Variants in TRPC7 observed in about 807,000 individuals in gnomAD.
TRPC7 encodes transient receptor potential cation channel subfamily C member 7.
A neutral mutation model predicts 90.1 loss-of-function variants in TRPC7; 42 were observed. The ratio of observed to expected loss-of-function variants is 0.47; its 90% CI spans 0.36 to 0.60. TRPC7 has a LOEUF of 0.60. TRPC7 is among the 20% of genes least tolerant of loss of function. The pLI is 0.00. For synonymous variants in TRPC7, 451 were observed against 436.3 expected (o/e 1.03, Z -0.42); for missense variants, 955 against 1,112.3 (o/e 0.86, Z 2.01).
chr5:136,227,328 C>T (rs755937128), intron 8 of TRPC7, among the ~76,000 whole-genome samples: 1 of 152,136 alleles, frequency 6.6e-6, no homozygotes, highest in African/African-American at 2.4e-5. Flanking sequence ...AGCTGTGTAA[C>T]TTTAGGCAGG....
chr5:136,349,453 G>A (rs1760122712), intron 2 of TRPC7, among the ~76,000 whole-genome samples: 1 of 152,162 alleles, frequency 6.6e-6, no homozygotes, highest in African/African-American at 2.4e-5. Context: ...GAGAAACAGA[G>A]AGATCTTCAT....
In TRPC7 at chr5:136,363,065, T is replaced by C. The variant is rs561362573; in HGVS notation, c.2+2188A>G. 3.3e-5 allele frequency among the ~76,000 whole-genome samples: 5 copies of C among 152,284 alleles called. No homozygotes were observed. The South Asian group carries it at 1.0e-3, about 32-fold the overall frequency. ...ATTTCCTACTTATGACTGGCAACAT[T>C]TAAAATAAGGTATGAATTCCTAAGT... is the stretch of plus-strand genomic sequence containing the variant. On this transcript the variant is annotated intron_variant, in intron 1 of 11. Transcript: ENST00000513104.
chr5:136,338,472 T>C (rs1759737466), intron 2 of TRPC7, among the ~76,000 whole-genome samples: 1 of 152,246 alleles, frequency 6.6e-6, no homozygotes, highest in African/African-American at 2.4e-5. Context: ...CCACATCACC[T>C]GATCCACTTT....
intron 2 of TRPC7, among the ~76,000 whole-genome samples, chr5:136,350,088 T>TG (rs1760142034): frequency 6.6e-6 from 1 of 152,166 alleles, no homozygotes; most frequent in African/African-American, 2.4e-5. Flanking sequence ...CATCTAGGTT[T>TG]GGGCAGGTAC....
At chr5:136,263,987 A>G (rs923923351) in intron 5 of TRPC7, among the ~76,000 whole-genome samples, 2 of 152,208 alleles carry the variant, frequency 1.3e-5, no homozygotes, top group Non-Finnish European at 2.9e-5. Flanking sequence ...ATTATTTGTG[A>G]TAAAAAATTT....
At chr5:136,302,911 A>G (rs1758451335) in intron 3 of TRPC7, among the ~76,000 whole-genome samples, 1 of 151,872 alleles carries the variant, frequency 6.6e-6, no homozygotes, top group Non-Finnish European at 1.5e-5. Flanking sequence ...TCCCAACCCC[A>G]AGCGTCACTG....
At chr5:136,235,693 A>C (rs1755959672) in intron 7 of TRPC7, among the ~76,000 whole-genome samples, 1 of 152,146 alleles carries the variant, frequency 6.6e-6, no homozygotes, top group Non-Finnish European at 1.5e-5. Context: ...GCTAGTTACT[A>C]TTTGCCATAA....
In TRPC7 at chr5:136,216,223, C is replaced by T; in HGVS notation, c.2396G>A (p.Arg799Lys). The change falls in exon 11 of 12, where the codon AGA becomes AAA. Residue 799 changes from arginine to lysine, a missense_variant. Transcript: ENST00000513104. ...ACCTTCATTGACTTCGTCATTTTCT[C>T]TGTCCACCTGGGCTTTCAGGACGTA... ...KRYVLKAQVD[R>K]ENDEVNEGEL... The T allele has an allele frequency of 1.9e-6, 3 of 1,613,376 alleles. No homozygotes were observed. The highest frequency in any genetic ancestry group is 2.5e-6 in the Non-Finnish European group (3 of 1,179,652).
At chr5:136,314,772 A>G (rs959818027) in intron 3 of TRPC7, among the ~76,000 whole-genome samples, 1 of 152,214 alleles carries the variant, frequency 6.6e-6, no homozygotes, top group East Asian at 1.9e-4. Context: ...AGCTTAAAAC[A>G]TTAAAACCCC....
At chr5:136,241,071 G>T (rs1756148253) in intron 7 of TRPC7, among the ~76,000 whole-genome samples, 2 of 152,074 alleles carry the variant, frequency 1.3e-5, no homozygotes, top group South Asian at 4.1e-4. Context: ...GGGGAATCTG[G>T]CTTCTCTATG....
intron 3 of TRPC7, chr5:136,303,858 G>A (rs1358745182): frequency 6.6e-6 from 1 of 151,508 alleles, no homozygotes; most frequent in Non-Finnish European, 1.5e-5. Context: ...CACAGTGGAG[G>A]GTAAGTCCGT....
chr5:136,297,004 C>A (rs936994196), intron 3 of TRPC7, among the ~76,000 whole-genome samples: 3 of 152,156 alleles, frequency 2.0e-5, no homozygotes, highest in African/African-American at 7.2e-5. Flanking sequence ...TAAATCCAAT[C>A]CCAGGACACC....
chr5:136,301,616 T>C (rs1758391716), intron 3 of TRPC7, among the ~76,000 whole-genome samples: 1 of 152,120 alleles, frequency 6.6e-6, no homozygotes, highest in Non-Finnish European at 1.5e-5. Flanking sequence ...TTGTAATTCT[T>C]CCCACCCTTG....
In TRPC7 at chr5:136,225,270, T is replaced by C; in HGVS notation, c.2343+4A>G. The stretch of plus-strand genomic sequence containing the variant: ...GCTTGGATGCTTGGGAAAGGGGTGG[T>C]TACCTGGTATCTGGTGGGCTTGCTC... On this transcript the variant is annotated splice_donor_region_variant and intron_variant, in intron 10 of 11. Transcript: ENST00000513104. 3 of 1,612,586 alleles carry C rather than the reference T, an allele frequency of 1.9e-6. No individual in the cohort carries two copies. Among genetic ancestry groups the C allele is most frequent in the Non-Finnish European group, 2.5e-6 (3 of 1,179,398 alleles).
chr5:136,323,642 C>T (rs1319499686), intron 2 of TRPC7, among the ~76,000 whole-genome samples: 1 of 152,104 alleles, frequency 6.6e-6, no homozygotes, highest in African/African-American at 2.4e-5. Flanking sequence ...AATCATTGAC[C>T]ACATTTGTAT....
intron 6 of TRPC7, among the ~76,000 whole-genome samples, chr5:136,248,099 T>A (rs939913891): frequency 2.6e-5 from 4 of 152,212 alleles, no homozygotes; most frequent in Admixed American, 1.3e-4. Context: ...GTCTTGGCAC[T>A]CACCAGGCCA....
rs775706003 is a variant in TRPC7 at position 136,274,721 on chromosome 5, TATGGAGACTCCA to T, written c.1068_1079del (p.Phe356_Ile360delinsLeu). 1.2e-6 allele frequency: 2 copies of T among 1,613,294 alleles called. No homozygotes were observed. The highest frequency in any genetic ancestry group is 1.3e-5 in the African/African-American group (1 of 75,012). On this transcript the variant is annotated inframe_deletion, in exon 4 of 12. Transcript: ENST00000513104. ...AGGCTATGGCGAGAAAAGGGAGGCC[TATGGAGACTCCA>T]AAGACAGCCAGGAATTTCACAGCGA... is the stretch of plus-strand genomic sequence containing the variant.
chr5:136,365,531 C>G lies in TRPC7; in HGVS notation c.-277G>C, dbSNP rs115823179. On this transcript the variant is annotated 5_prime_UTR_variant, in exon 1 of 12. An upstream start codon of the reference 5' UTR is lost. Transcript: ENST00000513104. Reference sequence around the variant, plus strand: ...TTTCCCAGAGAACATGACGGAGAAGCATCTGTGTGAGAGTGGCATGCGGCG... The same window carrying G: ...TTTCCCAGAGAACATGACGGAGAAGGATCTGTGTGAGAGTGGCATGCGGCG... 1,337 of 556,284 alleles carry G rather than the reference C, an allele frequency of 2.4e-3. 15 individuals are homozygous for G. Among genetic ancestry groups the G allele is most frequent in the African/African-American group, 0.023 (1,217 of 53,400 alleles). The allele number at this position is 556,284 out of a possible 1,614,324, so 34.5% of individuals were successfully genotyped here.
At position 136,248,808 on chromosome 5, in the gene TRPC7, C is replaced by T. The variant is rs115699770; in HGVS notation, c.1580-1073G>A. Among the ~76,000 whole-genome samples the T allele has an allele frequency of 4.6e-3, 700 of 152,344 alleles. 7 individuals are homozygous for T. Among genetic ancestry groups the T allele is most frequent in the African/African-American group, 0.016 (671 of 41,576 alleles). ...ATGGTACAAGGAGCAGCACCTATCACGAATCAGCTGTCTATTACATGTCAG... is the reference window on the plus strand; with the variant it reads ...ATGGTACAAGGAGCAGCACCTATCATGAATCAGCTGTCTATTACATGTCAG... On this transcript the variant is annotated intron_variant, in intron 6 of 11. Transcript: ENST00000513104.
Sources: gnomAD v4.1 joint callset for allele counts (sites outside exome capture counted in the v4.1 genomes callset) on GRCh38, gnomAD v4.1.1 for gene constraint, MANE v1.5 for transcripts, NCBI Gene and HGNC (gene_info 2026-07-23, HGNC 2026-07-21) for gene names.